Variants in GRIA4 observed in about 807,000 individuals in gnomAD.
GRIA4 encodes glutamate receptor 4.
Under a neutral mutation model 104.0 loss-of-function variants are expected in GRIA4, and 34 were observed. The ratio of observed to expected loss-of-function variants is 0.33; its 90% CI spans 0.25 to 0.44. GRIA4 has a LOEUF of 0.44. Ranked by LOEUF, GRIA4 falls within the 20% of genes least tolerant of loss-of-function variation. The pLI is 1.00. For missense variants in GRIA4, 750 were observed against 1,096.5 expected (o/e 0.68, Z 4.46); for synonymous variants, 386 against 381.9 (o/e 1.01, Z -0.13).
At chr11:105,960,377 A>C (rs1287592713) in intron 14 of GRIA4, among the ~76,000 whole-genome samples, 1 of 152,180 alleles carries the variant, frequency 6.6e-6, no homozygotes, top group African/African-American at 2.4e-5. Context: ...ATTAGGCCTG[A>C]AGAGGCACTC....
In GRIA4 at chr11:105,610,294, C is replaced by T. The variant is rs150931828; in HGVS notation, c.-225C>T. On this transcript the variant is annotated 5_prime_UTR_variant, in exon 1 of 17. Transcript: ENST00000282499. The stretch of plus-strand genomic sequence containing the variant: ...GGTGCCAGGAAAACCAAGAGAGGGG[C>T]GCTGGGGGTGCCCATCCCCAGAGTC... 51 of 152,564 alleles carry T rather than the reference C, an allele frequency of 3.3e-4. No individual in the cohort carries two copies. In the East Asian group the frequency reaches 8.1e-3, roughly 24 times the overall value. The allele number at this position is 152,564 out of a possible 1,614,324, so 9.5% of individuals were successfully genotyped here.
intron 4 of GRIA4, among the ~76,000 whole-genome samples, chr11:105,762,523 A>T (rs549743528): frequency 7.9e-4 from 120 of 152,140 alleles, no homozygotes; most frequent in Non-Finnish European, 1.4e-3. Flanking sequence ...CTTGCCACAG[A>T]TGTTTTTGTG....
At chr11:105,887,750 T>C (rs1001500908) in intron 6 of GRIA4, among the ~76,000 whole-genome samples, 178 bp downstream of exon 6, 2 of 152,150 alleles carry the variant, frequency 1.3e-5, no homozygotes, top group African/African-American at 4.8e-5. Context: ...AATATATTTT[T>C]ATGCAGATTA....
intron 3 of GRIA4, among the ~76,000 whole-genome samples, chr11:105,644,775 A>G (rs1951478105): frequency 6.6e-6 from 1 of 152,228 alleles, no homozygotes; most frequent in African/African-American, 2.4e-5. Context: ...AGGAAATGAT[A>G]GCCCACACTG....
At chr11:105,809,335 A>G (rs1943079458) in intron 4 of GRIA4, among the ~76,000 whole-genome samples, 1 of 152,154 alleles carries the variant, frequency 6.6e-6, no homozygotes, top group South Asian at 2.1e-4. Context: ...CATCACCTCA[A>G]ACACTTATCA....
At chr11:105,800,335 T>G (rs1942669500) in intron 4 of GRIA4, among the ~76,000 whole-genome samples, 1 of 152,034 alleles carries the variant, frequency 6.6e-6, no homozygotes, top group Non-Finnish European at 1.5e-5. Flanking sequence ...GACTACCATT[T>G]ACTAACTAAC....
At chr11:105,974,714 T>G in intron 16 of GRIA4, 2 of 641,648 alleles carry the variant, frequency 3.1e-6, no homozygotes, top group Non-Finnish European at 5.2e-6. Context: ...TGGCTGCAGA[T>G]GTACTGTTTG....
intron 3 of GRIA4, among the ~76,000 whole-genome samples, chr11:105,670,152 C>T (rs981213980): frequency 2.0e-5 from 3 of 151,932 alleles, no homozygotes; most frequent in African/African-American, 4.8e-5. Flanking sequence ...AGGAAATTTC[C>T]TTCTAGATTC....
chr11:105,818,250 G>A (rs1052117790), intron 4 of GRIA4, among the ~76,000 whole-genome samples: 3 of 152,094 alleles, frequency 2.0e-5, no homozygotes, highest in African/African-American at 7.2e-5. Context: ...TAATGAGCTA[G>A]AACTTGCCTG....
At chr11:105,711,244 T>C (rs755268432) in intron 3 of GRIA4, among the ~76,000 whole-genome samples, 4 of 152,162 alleles carry the variant, frequency 2.6e-5, no homozygotes, top group Middle Eastern at 3.4e-3. Flanking sequence ...CCTTCCTGTG[T>C]CCATGTGTTC....
At chr11:105,830,970 GCACA>G (rs143570637) in intron 4 of GRIA4, among the ~76,000 whole-genome samples, 174 of 148,738 alleles carry the variant, frequency 1.2e-3, no homozygotes, top group African/African-American at 4.1e-3. Context: ...ATACACACAC[GCACA>G]CACACACACA....
intron 14 of GRIA4, among the ~76,000 whole-genome samples, chr11:105,953,646 C>T (rs63749277): frequency 0.67 from 97,030 of 145,618 alleles, 31,093 homozygotes; most frequent in Middle Eastern, 0.71. Context: ...CACACACACA[C>T]ATATATATAC....
At chr11:105,826,516 C>T (rs768839696) in intron 4 of GRIA4, among the ~76,000 whole-genome samples, 3 of 152,020 alleles carry the variant, frequency 2.0e-5, no homozygotes, top group Non-Finnish European at 4.4e-5. Flanking sequence ...ATTGTCTTCT[C>T]TGAATGGATC....
chr11:105,725,793 C>T (rs534055712), intron 3 of GRIA4, among the ~76,000 whole-genome samples: 34 of 152,172 alleles, frequency 2.2e-4, no homozygotes, highest in Admixed American at 1.3e-3. Context: ...GCACAAGGGT[C>T]GGGCAACTCC....
At position 105,655,040 on chromosome 11, in the gene GRIA4, C is replaced by A. The variant is rs553035596; in HGVS notation, c.247+42606C>A. 6.2e-4 allele frequency among the ~76,000 whole-genome samples: 95 copies of A among 152,134 alleles called. No individual in the cohort carries two copies. In the South Asian group the frequency reaches 0.012, roughly 19 times the overall value. ...AGCATGGCAACCAGGAGAAGGAAAA[C>A]CTTGTAGAGACCCTTTTCTTAATTG... is the stretch of plus-strand genomic sequence containing the variant. On this transcript the variant is annotated intron_variant, in intron 3 of 16. Coordinates refer to ENST00000282499, the MANE Select transcript of GRIA4 (RefSeq NM_000829.4).
intron 3 of GRIA4, among the ~76,000 whole-genome samples, chr11:105,737,392 A>C (rs1027078087): frequency 6.6e-6 from 1 of 152,128 alleles, no homozygotes; most frequent in Non-Finnish European, 1.5e-5. Flanking sequence ...TAACCATGCA[A>C]AAGTTTAATA....
chr11:105,906,649 G>T (rs886264890), intron 9 of GRIA4, among the ~76,000 whole-genome samples: 32 of 152,138 alleles, frequency 2.1e-4, no homozygotes, highest in Admixed American at 2.0e-3. Context: ...CGTGCAGGCT[G>T]CCAGCTAATA....
At chr11:105,740,195 G>C (rs1939218357) in intron 3 of GRIA4, among the ~76,000 whole-genome samples, 1 of 152,148 alleles carries the variant, frequency 6.6e-6, no homozygotes, top group African/African-American at 2.4e-5. Context: ...ATTATAATTG[G>C]TTTCTTCACA....
Position 105,662,704 on chromosome 11 carries a change from C to T in GRIA4, c.247+50270C>T, listed in dbSNP as rs566285917. On this transcript the variant is annotated intron_variant, in intron 3 of 16. Coordinates refer to ENST00000282499, the MANE Select transcript of GRIA4 (RefSeq NM_000829.4). ...AATAATATGTAACAAAGCAAGTGTT[C>T]GATCACAAAGGGGGCATCCATTGCA... 5.3e-5 allele frequency among the ~76,000 whole-genome samples: 8 copies of T among 151,890 alleles called. No homozygotes were observed. The South Asian group carries it at 1.2e-3, about 24-fold the overall frequency.
Sources: gnomAD v4.1 joint callset for allele counts (sites outside exome capture counted in the v4.1 genomes callset) on GRCh38, gnomAD v4.1.1 for gene constraint, MANE v1.5 for transcripts, NCBI Gene and HGNC (gene_info 2026-07-23, HGNC 2026-07-21) for gene names.